The following ARID1A variants were observed in gnomAD, a reference collection of about 807,000 sequenced individuals.
The protein encoded by ARID1A is AT-rich interactive domain-containing protein 1A.
ARID1A carries 20 observed loss-of-function variants against 212.6 expected under a neutral mutation model. The observed-to-expected ratio is 0.09, with a 90% CI of 0.07 to 0.14. The LOEUF is 0.14. ARID1A is among the 10% of genes least tolerant of loss of function. ARID1A has a pLI of 1.00. For synonymous variants in ARID1A, 1,376 were observed against 1,222.1 expected (o/e 1.13, Z -2.63); for missense variants, 2,587 against 3,059.0 (o/e 0.85, Z 3.64).
chr1:26,697,559 AG>A lies in ARID1A; in HGVS notation c.1137+24del, dbSNP rs2080284985. 7.5e-7 allele frequency: 1 copy of A among 1,326,842 alleles called. No homozygotes were observed. Among genetic ancestry groups the A allele is most frequent in the Non-Finnish European group, 9.6e-7 (1 of 1,045,684 alleles). 82.2% of individuals were successfully genotyped at this position (1,326,842 alleles called of 1,614,324 possible). On this transcript the variant is annotated intron_variant, in intron 1 of 19. Coordinates refer to ENST00000324856, the MANE Select transcript of ARID1A (RefSeq NM_006015.6). ...CCCTCAGGTACACAGCTGAGTGGGG[AG>A]GGGGCTGGGGCGAGCGTGGTCCTGG...
intron 1 of ARID1A, among the ~76,000 whole-genome samples, chr1:26,710,490 T>TACACACACACACAC (rs1291075615): frequency 2.9e-3 from 28 of 9,694 alleles, no homozygotes; most frequent in African/African-American, 3.8e-3. Context: ...AATAAAATAA[T>TACACACACACACAC]ACATACACAC....
rs2124140879 is a variant in ARID1A, at chr1:26,779,505, G to A, written c.5607G>A (p.Arg1869=). 3 of 1,614,050 alleles carry A rather than the reference G, an allele frequency of 1.9e-6. No individual in the cohort carries two copies. The highest frequency in any genetic ancestry group is 2.5e-6 in the Non-Finnish European group (3 of 1,180,020). Residue 1869 remains arginine, a synonymous_variant, in exon 20 of 20, where the codon CGG becomes CGA. Coordinates refer to ENST00000324856, the MANE Select transcript of ARID1A (RefSeq NM_006015.6). ...GCAAGACAGAGCTGCTGCCTTCCCG[G>A]CCTCACGCACCCTGCCCACCAGCCC... ...FESKTELLPS[R]PHAPCPPAPR...
rs540468341 is a variant in ARID1A at position 26,720,838 on chromosome 1, C to T, written c.1138-8813C>T. On this transcript the variant is annotated intron_variant, in intron 1 of 19. Transcript: ENST00000324856. The stretch of plus-strand genomic sequence containing the variant: ...GGGCCATGATTGCACCACTGCACTC[C>T]AGCCGGGGTGACAGATTGAGACACC... Among the ~76,000 whole-genome samples the T allele has an allele frequency of 4.6e-5, 7 of 151,426 alleles. No individual in the cohort carries two copies. The East Asian group carries it at 1.4e-3, about 30-fold the overall frequency.
At chr1:26,722,099 G>A (rs138412084) in intron 1 of ARID1A, among the ~76,000 whole-genome samples, 7 of 152,312 alleles carry the variant, frequency 4.6e-5, no homozygotes, top group South Asian at 2.1e-4. Flanking sequence ...GGTTGCAAGC[G>A]CCTTCCTGGA....
Position 26,697,348 on chromosome 1 carries a change from C to T in ARID1A, c.945C>T (p.Asp315=), listed in dbSNP as rs2080280639. The T allele has an allele frequency of 1.5e-6, 2 of 1,325,852 alleles. No homozygotes were observed. The highest frequency in any genetic ancestry group is 9.6e-7 in the Non-Finnish European group (1 of 1,044,812). 82.1% of individuals were successfully genotyped at this position (1,325,852 alleles called of 1,614,324 possible). A position where few individuals can be genotyped will look rare whatever the true frequency, so the allele number is the denominator to read the frequency against. The change falls in exon 1 of 20, where the codon GAC becomes GAT. Residue 315 remains aspartate, a synonymous_variant. Transcript: ENST00000324856. The part of the protein sequence containing the change: ...ARGYQGYPGG[D]YSGGPQDGGA... ...GCTACCAGGGCTACCCCGGGGGCGACTACAGTGGCGGGCCCCAGGACGGGG... is the reference window on the plus strand; with the variant it reads ...GCTACCAGGGCTACCCCGGGGGCGATTACAGTGGCGGGCCCCAGGACGGGG...
intron 1 of ARID1A, chr1:26,728,950 C>G (rs1266086088): frequency 7.2e-5 from 11 of 152,082 alleles, no homozygotes; most frequent in African/African-American, 2.7e-4. Flanking sequence ...CTAGCTGTAC[C>G]TCTCTGTCTT....
intron 4 of ARID1A, among the ~76,000 whole-genome samples, chr1:26,757,034 T>C (rs2080946210): frequency 6.6e-6 from 1 of 152,118 alleles, no homozygotes; most frequent in Non-Finnish European, 1.5e-5. Context: ...ATGAGAATGT[T>C]TATGTTTTAC....
At chr1:26,733,999 G>A (rs1340720643) in intron 4 of ARID1A, among the ~76,000 whole-genome samples, 1 of 152,230 alleles carries the variant, frequency 6.6e-6, no homozygotes, top group East Asian at 1.9e-4. Context: ...TCAGGCTTCT[G>A]AGGCCAGAAT....
At chr1:26,773,215 G>C (rs2081099603) in intron 14 of ARID1A, 131 bp from the exon 15 acceptor site, 2 of 1,374,074 alleles carry the variant, frequency 1.5e-6, no homozygotes, top group Non-Finnish European at 2.0e-6. Context: ...GGCCTCTTTA[G>C]ATCTCTGTTT....
In ARID1A at chr1:26,697,154, C is replaced by A; in HGVS notation, c.751C>A (p.Pro251Thr). 6.9e-7 allele frequency: 1 copy of A among 1,440,474 alleles called. No homozygotes were observed. Among genetic ancestry groups the A allele is most frequent in the South Asian group, 1.5e-5 (1 of 68,370 alleles). 89.2% of individuals were successfully genotyped at this position (1,440,474 alleles called of 1,614,324 possible). Reference protein sequence around the residue: ...SGAAAAAGSKPPPSSSASASS... With the variant: ...SGAAAAAGSKTPPSSSASASS... ...CGCGGCGGCGGCTGCCGGCTCCAAG[C>A]CGCCTCCCTCCTCCAGCGCCTCCGC... Residue 251 changes from proline to threonine, a missense_variant, in exon 1 of 20, where the codon CCG becomes ACG. Around this residue, in one of 11 missense-constraint regions of ARID1A, gnomAD observed 735 missense variants for 590.6 expected, o/e 1.24. Transcript: ENST00000324856.
intron 1 of ARID1A, among the ~76,000 whole-genome samples, chr1:26,724,559 G>A (rs921615238): frequency 7.9e-5 from 12 of 152,222 alleles, no homozygotes; most frequent in African/African-American, 2.7e-4. Flanking sequence ...GTCATGGTCA[G>A]ATGGAGAATT....
chr1:26,761,385 C>G lies in ARID1A; in HGVS notation c.2163C>G (p.Gly721=), dbSNP rs2124059129. ...TATGTTGTTCTTTGTCTGGAGCAGG[C>G]AACCAGATGCCACCTCGGCCACCCA... is the stretch of plus-strand genomic sequence containing the variant. ...SGPLSPAAVP[G]NQMPPRPPSG... is the part of the protein sequence containing the mutation. Residue 721 remains glycine (G), a splice_region_variant and synonymous_variant, in exon 6 of 20, where the codon GGC becomes GGG. Coordinates refer to ENST00000324856, the MANE Select transcript of ARID1A (RefSeq NM_006015.6). 6.2e-7 allele frequency: 1 copy of G among 1,614,162 alleles called. No homozygotes were observed. The highest frequency in any genetic ancestry group is 8.5e-7 in the Non-Finnish European group (1 of 1,180,010).
chr1:26,776,020 T>G (rs2081131667), intron 19 of ARID1A: 2 of 438,364 alleles, frequency 4.6e-6, no homozygotes, highest in Non-Finnish European at 8.7e-6. Flanking sequence ...ATCTGTGTTT[T>G]TTTGTTTTTT....
At chr1:26,739,403 C>T (rs1056322636) in intron 4 of ARID1A, among the ~76,000 whole-genome samples, 43 of 152,250 alleles carry the variant, frequency 2.8e-4, no homozygotes, top group African/African-American at 1.0e-3. Flanking sequence ...GGGCTGGGAC[C>T]TAAGAATTTG....
rs935743182 is a variant in ARID1A at position 26,774,006 on chromosome 1, G to A, written c.4101+108G>A. On this transcript the variant is annotated intron_variant, in intron 17 of 19. Coordinates refer to ENST00000324856, the MANE Select transcript of ARID1A (RefSeq NM_006015.6). This position sits in a 1 kb window ranked among gnomAD's most constrained non-coding sequence, Gnocchi z 5.6. ...TAAGAAGCTCACTTTAGATATTTTGGCATTCTTCTCTCACCTGACTGGCCA... is the reference window on the plus strand; with the variant it reads ...TAAGAAGCTCACTTTAGATATTTTGACATTCTTCTCTCACCTGACTGGCCA... The A allele has an allele frequency of 3.3e-5, 46 of 1,413,508 alleles. No individual in the cohort carries two copies. The African/African-American group carries it at 6.0e-4, about 18-fold the overall frequency. 87.6% of individuals were successfully genotyped at this position (1,413,508 alleles called of 1,614,324 possible).
chr1:26,757,098 C>T (rs993112422), intron 4 of ARID1A, among the ~76,000 whole-genome samples: 3 of 151,772 alleles, frequency 2.0e-5, no homozygotes, highest in Admixed American at 2.0e-4. Flanking sequence ...TTTTCTAATC[C>T]CAGCTACTCA....
intron 4 of ARID1A, among the ~76,000 whole-genome samples, chr1:26,736,647 G>A (rs1308297584): frequency 4.3e-5 from 6 of 138,594 alleles, no homozygotes; most frequent in East Asian, 2.1e-4. Flanking sequence ...AAAAAAAAAA[G>A]GGCACAGTGG....
intron 1 of ARID1A, among the ~76,000 whole-genome samples, chr1:26,705,975 G>A (rs1204023080): frequency 1.3e-5 from 2 of 152,164 alleles, no homozygotes; most frequent in Non-Finnish European, 1.5e-5. Context: ...TGTTGACTTA[G>A]TGTTGGTCAT....
chr1:26,737,557 G>GT (rs1290738623), intron 4 of ARID1A, among the ~76,000 whole-genome samples: 21 of 152,110 alleles, frequency 1.4e-4, no homozygotes, highest in African/African-American at 5.1e-4. Context: ...CCAGGGGAGT[G>GT]TATTATCTTT....
Sources: allele counts gnomAD v4.1 joint callset (sites outside exome capture counted in the v4.1 genomes callset), GRCh38; gene constraint gnomAD v4.1.1; regional missense constraint gnomAD v4.1.1; non-coding constraint Gnocchi (gnomAD v3.1); transcripts MANE v1.5; gene names NCBI Gene and HGNC (gene_info 2026-07-23, HGNC 2026-07-21).